The following FBXO15 variants were observed in gnomAD, a reference collection of about 807,000 sequenced individuals.
FBXO15 encodes F-box protein 15.
In FBXO15, 30 loss-of-function variants were observed where a neutral mutation model predicts 49.5. The ratio of observed to expected loss-of-function variants is 0.61; its 90% CI spans 0.45 to 0.82. The LOEUF (loss-of-function observed/expected upper bound fraction) is 0.82, where lower values mean the gene tolerates loss of function less well. Among genes scored for constraint, FBXO15 ranks in the 40% least tolerant of loss-of-function variants. FBXO15 has a pLI of 0.00. For synonymous variants in FBXO15, 250 were observed against 232.7 expected (o/e 1.07, Z -0.68); for missense variants, 591 against 631.5 (o/e 0.94, Z 0.69).
chr18:74,127,582 T>C (rs1289193867), intron 5 of FBXO15, among the ~76,000 whole-genome samples: 1 of 152,268 alleles, frequency 6.6e-6, no homozygotes, highest in Non-Finnish European at 1.5e-5. Context: ...CAAGGATTTA[T>C]ATTCCTGCAC....
chr18:74,128,326 C>A (rs1978298428), intron 5 of FBXO15, among the ~76,000 whole-genome samples: 2 of 143,194 alleles, frequency 1.4e-5, no homozygotes, highest in African/African-American at 2.7e-5. Context: ...TCCCCAGTTA[C>A]AGAGCTGCAA....
intron 8 of FBXO15, among the ~76,000 whole-genome samples, chr18:74,117,435 C>A (rs1164602536): frequency 6.6e-6 from 1 of 152,200 alleles, no homozygotes; most frequent in Non-Finnish European, 1.5e-5. Context: ...ACCACACTTA[C>A]AGTGCCAAAA....
chr18:74,076,088 C>G (rs939925034), intron 9 of FBXO15: 2 of 152,378 alleles, frequency 1.3e-5, no homozygotes, highest in Non-Finnish European at 2.9e-5. Flanking sequence ...CTGGTGGAAC[C>G]ATCATCAGTC....
chr18:74,088,500 C>A (rs1912851725), intron 8 of FBXO15, among the ~76,000 whole-genome samples: 2 of 152,144 alleles, frequency 1.3e-5, no homozygotes, highest in Admixed American at 6.5e-5. Context: ...TGTTGAAGAT[C>A]AGATGGTTGT....
chr18:74,123,176 A>C (rs1914542807), intron 8 of FBXO15, 192 bp downstream of exon 8: 1 of 534,954 alleles, frequency 1.9e-6, no homozygotes, highest in Admixed American at 3.7e-5. Context: ...AAGGAGACAG[A>C]GCCAGTTCTG....
rs1978329040 is a variant in FBXO15, at chr18:74,130,483, G to C, written c.508C>G (p.Leu170Val). 1 of 1,614,066 alleles carries C rather than the reference G, an allele frequency of 6.2e-7. No homozygotes were observed. The highest frequency in any genetic ancestry group is 1.3e-5 in the African/African-American group (1 of 74,934). ...TTGACAGGTTTGAGAATGTCAGCTAGTGCGGCTTTTACAGATGCTATTTGT... is the reference window on the plus strand; with the variant it reads ...TTGACAGGTTTGAGAATGTCAGCTACTGCGGCTTTTACAGATGCTATTTGT... ...TKQIASVKAA[L>V]ADILKPVNPY... is the part of the protein sequence containing the mutation. The change falls in exon 4 of 10, where the codon CTA becomes GTA. Residue 170 changes from leucine (L) to valine (V), a missense_variant. By Grantham distance (32) the Leu-to-Val change is conservative (BLOSUM62 1). Transcript: ENST00000419743.
At chr18:74,124,341 C>T (rs957703871) in intron 7 of FBXO15, 148 bp downstream of exon 7, 16 of 632,070 alleles carry the variant, frequency 2.5e-5, no homozygotes, top group East Asian at 2.2e-4. Flanking sequence ...ATTATTTTAG[C>T]GACAGCTAAT....
At chr18:74,100,739 C>T (rs759128978) in intron 8 of FBXO15, among the ~76,000 whole-genome samples, 1 of 151,984 alleles carries the variant, frequency 6.6e-6, no homozygotes, top group Non-Finnish European at 1.5e-5. Context: ...ACAACTGATA[C>T]CACAGAAATA....
intron 8 of FBXO15, among the ~76,000 whole-genome samples, chr18:74,104,832 T>C (rs935403169): frequency 1.3e-5 from 2 of 152,208 alleles, no homozygotes; most frequent in African/African-American, 2.4e-5. Flanking sequence ...AATACAGTAA[T>C]AATAGAGTGC....
chr18:74,135,876 C>G lies in FBXO15; in HGVS notation c.228-10G>C. The G allele has an allele frequency of 6.3e-7, 1 of 1,588,418 alleles. No individual in the cohort carries two copies. The highest frequency in any genetic ancestry group is 1.1e-5 in the South Asian group (1 of 86,960). ...GATTTCTGAAGGCATTCTGCAAAAA[C>G]AGAAAAAGAAAAAAAAAATCACCAG... On this transcript the variant is annotated splice_polypyrimidine_tract_variant and intron_variant, in intron 2 of 9. Coordinates refer to ENST00000419743, the MANE Select transcript of FBXO15 (RefSeq NM_001142958.2).
At chr18:74,085,079 T>C (rs931161114) in intron 8 of FBXO15, among the ~76,000 whole-genome samples, 4 of 152,150 alleles carry the variant, frequency 2.6e-5, no homozygotes, top group Admixed American at 2.6e-4. Context: ...TTATCTATTA[T>C]AGTTTCACAC....
At chr18:74,102,147 G>A (rs1379814165) in intron 8 of FBXO15, among the ~76,000 whole-genome samples, 2 of 151,942 alleles carry the variant, frequency 1.3e-5, no homozygotes, top group Non-Finnish European at 2.9e-5. Flanking sequence ...CTTTTTCACG[G>A]CAAAAGAACA....
chr18:74,145,887 T>C (rs1979382398), intron 1 of FBXO15, among the ~76,000 whole-genome samples: 1 of 152,174 alleles, frequency 6.6e-6, no homozygotes, highest in Admixed American at 6.5e-5. Flanking sequence ...CGTGAGCCAC[T>C]GCACCCGGCC....
chr18:74,082,591 C>T (rs1167330142), intron 8 of FBXO15, among the ~76,000 whole-genome samples: 1 of 152,248 alleles, frequency 6.6e-6, no homozygotes, highest in African/African-American at 2.4e-5. Flanking sequence ...TGGCCCTCTG[C>T]TGCCAGCTCC....
At chr18:74,096,461 A>T (rs536199725) in intron 8 of FBXO15, among the ~76,000 whole-genome samples, 1 of 152,244 alleles carries the variant, frequency 6.6e-6, no homozygotes, top group Non-Finnish European at 1.5e-5. Context: ...TTAAGGCACC[A>T]CCTAGAGCCA....
chr18:74,123,504 A>G lies in FBXO15; in HGVS notation c.1002T>C (p.Tyr334=), dbSNP rs1333412174. The change falls in exon 8 of 10, where the codon TAT becomes TAC. Residue 334 remains tyrosine, a synonymous_variant. Transcript: ENST00000419743. ...AAAAGGGGCTATGTGGAGGCAGTTC[A>G]TAGGGGCTGAAAAGCAAAACAAAAG... ...RSTLGSATIP[Y]ELPPHSPFLD... 6.3e-7 allele frequency: 1 copy of G among 1,597,302 alleles called. No individual in the cohort carries two copies. Among genetic ancestry groups the G allele is most frequent in the Non-Finnish European group, 8.5e-7 (1 of 1,175,986 alleles).
intron 9 of FBXO15, among the ~76,000 whole-genome samples, chr18:74,078,162 A>G (rs1912332100): frequency 6.6e-6 from 1 of 152,140 alleles, no homozygotes; most frequent in Admixed American, 6.5e-5. Flanking sequence ...TGCCAGATCA[A>G]GAGCTGGGAG....
intron 6 of FBXO15, 98 bp downstream of exon 6, chr18:74,125,876 AG>A: frequency 6.7e-7 from 1 of 1,494,996 alleles, no homozygotes; most frequent in East Asian, 2.3e-5. Flanking sequence ...GTTAGTGAAA[AG>A]CTTAAAGGAT....
intron 8 of FBXO15, among the ~76,000 whole-genome samples, chr18:74,108,998 T>G (rs187512887): frequency 6.6e-5 from 10 of 152,086 alleles, no homozygotes; most frequent in Admixed American, 6.5e-4. Flanking sequence ...GAAATAAAGG[T>G]TTTCTTAGAA....
Sources: allele counts gnomAD v4.1 joint callset (sites outside exome capture counted in the v4.1 genomes callset), GRCh38; gene constraint gnomAD v4.1.1; transcripts MANE v1.5; gene names NCBI Gene and HGNC (gene_info 2026-07-23, HGNC 2026-07-21).